Variants in PKD2 observed in about 807,000 individuals in gnomAD.
PKD2 encodes the protein polycystin 2, transient receptor potential cation channel.
A neutral mutation model predicts 105.9 loss-of-function variants in PKD2; 48 were observed. The observed-to-expected ratio is 0.45, with a 90% CI of 0.36 to 0.58. PKD2 has a LOEUF of 0.58. Ranked by LOEUF, PKD2 falls within the 20% of genes least tolerant of loss-of-function variation. The probability of loss-of-function intolerance (pLI) is 0.00; values close to 1 mark genes in which losing one functional copy is unlikely to be tolerated. For synonymous variants in PKD2, 464 were observed against 481.1 expected (o/e 0.96, Z 0.46); for missense variants, 1,078 against 1,255.3 (o/e 0.86, Z 2.13).
chr4:88,042,523 AC>A (rs1187067961), intron 4 of PKD2, among the ~76,000 whole-genome samples: 1 of 152,076 alleles, frequency 6.6e-6, no homozygotes, highest in Non-Finnish European at 1.5e-5. Context: ...GATCCTACTC[AC>A]CTTTCATGGT....
intron 6 of PKD2, among the ~76,000 whole-genome samples, chr4:88,051,446 C>A (rs1720091246): frequency 6.6e-6 from 1 of 152,162 alleles, no homozygotes; most frequent in Non-Finnish European, 1.5e-5. Context: ...CAGTTTACTT[C>A]TGTTTATTCC....
intron 13 of PKD2, among the ~76,000 whole-genome samples, chr4:88,071,504 T>G (rs1721031483): frequency 6.6e-6 from 1 of 152,108 alleles, no homozygotes; most frequent in Non-Finnish European, 1.5e-5. Context: ...TTTTTTTTTT[T>G]CTTCTTGTGT....
At chr4:88,037,936 C>T (rs1727400164) in intron 3 of PKD2, among the ~76,000 whole-genome samples, 1 of 152,172 alleles carries the variant, frequency 6.6e-6, no homozygotes, top group Non-Finnish European at 1.5e-5. Context: ...TTAATCATGA[C>T]CCCACCTTTA....
Position 88,046,813 on chromosome 4 carries a change from T to A in PKD2, c.1491T>A (p.Ile497=), listed in dbSNP as rs1359265358. 6.2e-7 allele frequency: 1 copy of A among 1,612,732 alleles called. No individual in the cohort carries two copies. Among genetic ancestry groups the A allele is most frequent in the African/African-American group, 1.3e-5 (1 of 74,998 alleles). The change falls in exon 6 of 15, where the codon ATT becomes ATA. Residue 497 remains isoleucine, a synonymous_variant. Coordinates refer to ENST00000237596, the MANE Select transcript of PKD2 (RefSeq NM_000297.4). ...YVVEEILEIR[I]HKLHYFRSFW... ...TGGAAGAGATATTGGAAATTCGCAT[T>A]CACAAACTACACTATTTCAGGAGTT...
At chr4:88,069,803 T>C (rs1720945846) in intron 13 of PKD2, among the ~76,000 whole-genome samples, 1 of 152,166 alleles carries the variant, frequency 6.6e-6, no homozygotes, top group Admixed American at 6.5e-5. Context: ...ATTCAAGTTA[T>C]CATCTGTCGT....
chr4:88,074,724 A>C, intron 13 of PKD2, 88 bp from the exon 14 acceptor site: 1 of 1,409,170 alleles, frequency 7.1e-7, no homozygotes, highest in Non-Finnish European at 1.0e-6. Context: ...CTTAAGAAAA[A>C]AATCTTAGCA....
At position 88,058,011 on chromosome 4, in the gene PKD2, G is replaced by A. The variant is rs748354306; in HGVS notation, c.1927G>A (p.Asp643Asn). 2.0e-5 allele frequency: 32 copies of A among 1,593,624 alleles called. No individual in the cohort carries two copies. Among genetic ancestry groups the A allele is most frequent in the Admixed American group, 3.3e-5 (2 of 59,984 alleles). The part of the protein sequence containing the change: ...IFTQFRIILG[D>N]INFAEIEEAN... The stretch of plus-strand genomic sequence containing the variant: ...CACTCAATTCCGTATCATTTTGGGC[G>A]ATATCAACTTTGCAGAGATTGAGGA... Residue 643 changes from aspartate (D) to asparagine (N), a missense_variant, in exon 9 of 15, where the codon GAT becomes AAT. Asp to Asn is a conservative substitution (Grantham distance 23). Around this residue, in one of 2 missense-constraint regions of PKD2, gnomAD observed 868 missense variants for 1,067.3 expected, o/e 0.81. Coordinates refer to ENST00000237596, the MANE Select transcript of PKD2 (RefSeq NM_000297.4).
chr4:88,014,989 G>A (rs932268306), intron 1 of PKD2, among the ~76,000 whole-genome samples: 6 of 152,190 alleles, frequency 3.9e-5, no homozygotes, highest in African/African-American at 1.4e-4. Flanking sequence ...AAGTGGTTAA[G>A]CCCTCAGTTT....
At chr4:88,041,049 A>G (rs1323607975) in intron 4 of PKD2, among the ~76,000 whole-genome samples, 2 of 152,184 alleles carry the variant, frequency 1.3e-5, no homozygotes, top group African/African-American at 4.8e-5. Context: ...GTGATACAAG[A>G]CACATCTCTA....
chr4:88,038,176 A>G, intron 3 of PKD2, 75 bp from the exon 4 acceptor site: 4 of 1,478,814 alleles, frequency 2.7e-6, no homozygotes, highest in South Asian at 1.1e-5. Flanking sequence ...ATGCTTGGTT[A>G]TGCAAACGAT....
Position 88,046,796 on chromosome 4 carries a change from A to T in PKD2, c.1474A>T (p.Ile492Leu). Reference sequence around the variant, plus strand: ...TATCTTTTACTATGTGGTGGAAGAGATATTGGAAATTCGCATTCACAAACT... The same window carrying T: ...TATCTTTTACTATGTGGTGGAAGAGTTATTGGAAATTCGCATTCACAAACT... Reference protein sequence around the residue: ...FFIFYYVVEEILEIRIHKLHY... With the variant: ...FFIFYYVVEELLEIRIHKLHY... Residue 492 changes from isoleucine to leucine, a missense_variant, in exon 6 of 15, where the codon ATA becomes TTA. By Grantham distance (5) the Ile-to-Leu change is conservative. Coordinates refer to ENST00000237596, the MANE Select transcript of PKD2 (RefSeq NM_000297.4). 1.2e-6 allele frequency: 2 copies of T among 1,611,852 alleles called. No individual in the cohort carries two copies. The highest frequency in any genetic ancestry group is 1.7e-6 in the Non-Finnish European group (2 of 1,177,932).
At chr4:88,031,110 A>T (rs2110099965) in intron 2 of PKD2, among the ~76,000 whole-genome samples, 1 of 152,302 alleles carries the variant, frequency 6.6e-6, no homozygotes, top group East Asian at 1.9e-4. Flanking sequence ...AGATAGAGCC[A>T]CAGATCCCAG....
At chr4:88,020,487 C>G (rs995582867) in intron 2 of PKD2, among the ~76,000 whole-genome samples, 1 of 151,950 alleles carries the variant, frequency 6.6e-6, no homozygotes, top group African/African-American at 2.4e-5. Flanking sequence ...GGAGGGATGC[C>G]TGAGCGAGAG....
intron 6 of PKD2, among the ~76,000 whole-genome samples, chr4:88,050,915 T>G (rs2728105): frequency 0.55 from 83,186 of 152,026 alleles, 24,415 homozygotes; most frequent in African/African-American, 0.79. Flanking sequence ...CCATGATCTC[T>G]ATGGTCATCT....
chr4:88,046,917 T>C, intron 6 of PKD2, 47 bp downstream of exon 6: 1 of 1,078,512 alleles, frequency 9.3e-7, no homozygotes, highest in Non-Finnish European at 1.4e-6. Context: ...TCTACAAGCA[T>C]GTTAACTAGA....
chr4:88,048,997 T>C lies in PKD2; in HGVS notation c.1548+2127T>C, dbSNP rs1482182185. Among the ~76,000 whole-genome samples, 3 of 152,222 alleles carry C rather than the reference T, an allele frequency of 2.0e-5. No individual in the cohort carries two copies. The East Asian group carries it at 5.8e-4, about 29-fold the overall frequency. On this transcript the variant is annotated intron_variant, in intron 6 of 14. Coordinates refer to ENST00000237596, the MANE Select transcript of PKD2 (RefSeq NM_000297.4). The stretch of plus-strand genomic sequence containing the variant: ...TTGGCTTATATGGATTTATTTATGT[T>C]TAGGCCATTGAAATAATGGTAGAAA...
chr4:88,022,705 A>G (rs1726795467), intron 2 of PKD2, among the ~76,000 whole-genome samples: 1 of 152,182 alleles, frequency 6.6e-6, no homozygotes, highest in Non-Finnish European at 1.5e-5. Context: ...CTGTATGTAA[A>G]TGAGATAGTG....
At position 88,065,413 on chromosome 4, in the gene PKD2, A is replaced by T. The variant is rs764313037; in HGVS notation, c.2158A>T (p.Asn720Tyr). 61 of 1,612,942 alleles carry T rather than the reference A, an allele frequency of 3.8e-5. No individual in the cohort carries two copies. The highest frequency in any genetic ancestry group is 4.3e-5 in the Non-Finnish European group (51 of 1,179,008). Residue 720 changes from asparagine to tyrosine, a missense_variant, in exon 11 of 15, where the codon AAT becomes TAT. Transcript: ENST00000237596. ...TTTGGTCAAACTAAAACTGAAAAAA[A>T]ATACCGTGGATGACATTTCAGAGAG... ...KALVKLKLKK[N>Y]TVDDISESLR... is the part of the protein sequence containing the mutation.
chr4:88,011,264 T>C (rs533903688), intron 1 of PKD2, among the ~76,000 whole-genome samples: 41 of 152,232 alleles, frequency 2.7e-4, no homozygotes, highest in African/African-American at 9.4e-4. Flanking sequence ...TGAATGTTTT[T>C]CTGAATGTAT....
Sources: gnomAD v4.1 joint callset for allele counts (sites outside exome capture counted in the v4.1 genomes callset) on GRCh38, gnomAD v4.1.1 for gene constraint, gnomAD v4.1.1 regional missense constraint, MANE v1.5 for transcripts, NCBI Gene and HGNC (gene_info 2026-07-23, HGNC 2026-07-21) for gene names.